Variants in ERG observed in about 807,000 individuals in gnomAD.
ERG encodes the protein transcriptional regulator ERG.
In ERG, 9 loss-of-function variants were observed where a neutral mutation model predicts 55.3. The ratio of observed to expected loss-of-function variants is 0.16; its 90% CI spans 0.10 to 0.28. The LOEUF (loss-of-function observed/expected upper bound fraction) is 0.28, where lower values mean the gene tolerates loss of function less well. Ranked by LOEUF, ERG falls within the 10% of genes least tolerant of loss-of-function variation. ERG has a pLI of 1.00. For synonymous variants in ERG, 223 were observed against 237.3 expected (o/e 0.94, Z 0.55); for missense variants, 434 against 631.6 (o/e 0.69, Z 3.35).
intron 3 of ERG, among the ~76,000 whole-genome samples, chr21:38,417,962 A>T (rs1989356233): frequency 6.6e-6 from 1 of 152,152 alleles, no homozygotes; most frequent in African/African-American, 2.4e-5. Flanking sequence ...TGGTTAGCAC[A>T]TCTCCATGTT....
chr21:38,454,852 C>T (rs2836413), intron 1 of ERG, among the ~76,000 whole-genome samples: 19,230 of 152,162 alleles, frequency 0.13, 1,333 homozygotes, highest in South Asian at 0.22. Context: ...GAAGGGAGAT[C>T]TAGCATCTTT....
upstream of ERG, chr21:38,498,615 T>C (rs1445534327): frequency 1.9e-5 from 15 of 776,780 alleles, no homozygotes; most frequent in East Asian, 5.3e-4. This position sits in a 1 kb window ranked among gnomAD's most constrained non-coding sequence, Gnocchi z 4.6. Flanking sequence ...TTGTTTTTCT[T>C]GATGATATGC....
intron 1 of ERG, among the ~76,000 whole-genome samples, chr21:38,652,130 C>T (rs1161262187): frequency 6.6e-6 from 1 of 152,206 alleles, no homozygotes; most frequent in Non-Finnish European, 1.5e-5. Flanking sequence ...CCCTCCAACA[C>T]TCCAGAGGAT....
chr21:38,388,802 C>G (rs1987829042), intron 9 of ERG, among the ~76,000 whole-genome samples: 1 of 152,162 alleles, frequency 6.6e-6, no homozygotes, highest in Admixed American at 6.5e-5. Flanking sequence ...TCTCCTTGCT[C>G]TGAGCTCAGG....
intron 2 of ERG, among the ~76,000 whole-genome samples, chr21:38,441,996 C>T (rs183943276): frequency 1.3e-4 from 20 of 152,324 alleles, no homozygotes; most frequent in South Asian, 8.3e-4. Flanking sequence ...AACACATCAC[C>T]GATGCTTTAG....
intron 1 of ERG, among the ~76,000 whole-genome samples, chr21:38,464,548 G>A (rs1263949106): frequency 6.6e-6 from 1 of 151,950 alleles, no homozygotes. Context: ...TATTCTACAG[G>A]ATATGTTCAT....
chr21:38,570,321 G>C (rs1399271379), intron 2 of ERG, among the ~76,000 whole-genome samples: 2 of 152,200 alleles, frequency 1.3e-5, no homozygotes, highest in Non-Finnish European at 2.9e-5. Flanking sequence ...TGATCTATAT[G>C]GTTAGGTATG....
chr21:38,611,420 T>C (rs1220163338), intron 1 of ERG, among the ~76,000 whole-genome samples: 2 of 152,062 alleles, frequency 1.3e-5, no homozygotes, highest in African/African-American at 4.8e-5. Flanking sequence ...GTGGCCCCTC[T>C]TTCTGTGACC....
intron 1 of ERG, chr21:38,471,889 C>T (rs2059142495): frequency 6.6e-6 from 1 of 152,192 alleles, no homozygotes; most frequent in Non-Finnish European, 1.5e-5. Flanking sequence ...AGGTTAATTA[C>T]TTTCAGGTTT....
At chr21:38,613,685 C>G (rs1261740432) in intron 1 of ERG, among the ~76,000 whole-genome samples, 2 of 152,230 alleles carry the variant, frequency 1.3e-5, no homozygotes, top group East Asian at 1.9e-4. Context: ...AGTGGACAGA[C>G]TGCTGTCCGG....
Position 38,571,340 on chromosome 21 carries a change from G to A in ERG, c.-41+4322C>T, listed in dbSNP as rs2059956324. The stretch of plus-strand genomic sequence containing the variant: ...AGCCTGGGCAAGATAGTGAGACCTT[G>A]TCTCTACAAAAAAAATAAAAATTAG... On this transcript the variant is annotated intron_variant, in intron 2 of 8. Coordinates refer to the ERG transcript ENST00000398897. 3.3e-5 allele frequency among the ~76,000 whole-genome samples: 5 copies of A among 151,608 alleles called. No homozygotes were observed. In the South Asian group the frequency reaches 1.0e-3, roughly 31 times the overall value.
chr21:38,534,792 C>T (rs1270447017), intron 2 of ERG, among the ~76,000 whole-genome samples: 2 of 152,118 alleles, frequency 1.3e-5, no homozygotes, highest in African/African-American at 4.8e-5. Flanking sequence ...CAGCATTACT[C>T]ACAATAGCCA....
intron 1 of ERG, among the ~76,000 whole-genome samples, chr21:38,635,828 A>G (rs1217158136): frequency 2.0e-5 from 3 of 152,246 alleles, no homozygotes; most frequent in Non-Finnish European, 2.9e-5. Context: ...AGCATGACTC[A>G]GGTTGAATAA....
chr21:38,382,763 T>C lies in ERG; in HGVS notation c.*640A>G. 9.4e-7 allele frequency: 1 copy of C among 1,066,134 alleles called. No homozygotes were observed. The highest frequency in any genetic ancestry group is 4.2e-4 in the Middle Eastern group (1 of 2,400). 66.0% of individuals were successfully genotyped at this position (1,066,134 alleles called of 1,614,324 possible). On this transcript the variant is annotated 3_prime_UTR_variant, in exon 10 of 10. Coordinates refer to ENST00000288319, the MANE Select transcript of ERG (RefSeq NM_182918.4). ...ATCCTCAGTCCCACCTTTTAGTTCA[T>C]AGTCCCGGTAATACTGTAAAGGAGT...
At chr21:38,468,356 A>G (rs2059108550) in intron 1 of ERG, among the ~76,000 whole-genome samples, 1 of 152,256 alleles carries the variant, frequency 6.6e-6, no homozygotes, top group Non-Finnish European at 1.5e-5. Flanking sequence ...AGAGAGGGAA[A>G]TTGGAGTTCA....
chr21:38,575,742 T>C, exon 2 of ERG: 1 of 1,612,818 alleles, frequency 6.2e-7, no homozygotes, highest in Non-Finnish European at 8.5e-7. Flanking sequence ...GTTCAGAACC[T>C]GACGGCTAGA....
chr21:38,488,280 T>A (rs2059304979), intron 1 of ERG, among the ~76,000 whole-genome samples: 1 of 152,126 alleles, frequency 6.6e-6, no homozygotes, highest in African/African-American at 2.4e-5. Flanking sequence ...CTTTGAGTAT[T>A]TTAGGGACCT....
chr21:38,456,336 G>C (rs2058989171), intron 1 of ERG, among the ~76,000 whole-genome samples: 1 of 152,174 alleles, frequency 6.6e-6, no homozygotes, highest in South Asian at 2.1e-4. Context: ...TCAGCACCCT[G>C]AGAGCTAGTG....
chr21:38,585,532 CTTT>C (rs760791568), upstream of ERG, among the ~76,000 whole-genome samples: 60 of 59,278 alleles, frequency 1.0e-3, no homozygotes, highest in Middle Eastern at 0.018. Flanking sequence ...TCTCTCTCTT[CTTT>C]TTTTTTTTTT....
Sources: allele counts gnomAD v4.1 joint callset (sites outside exome capture counted in the v4.1 genomes callset), GRCh38; gene constraint gnomAD v4.1.1; non-coding constraint Gnocchi (gnomAD v3.1); transcripts MANE v1.5; gene names NCBI Gene and HGNC (gene_info 2026-07-23, HGNC 2026-07-21).